Variants in MACROD2 observed in about 807,000 individuals in gnomAD.
The protein encoded by MACROD2 is ADP-ribose glycohydrolase MACROD2.
A neutral mutation model predicts 70.4 loss-of-function variants in MACROD2; 36 were observed. The ratio of observed to expected loss-of-function variants is 0.51; its 90% CI spans 0.39 to 0.68. The LOEUF (loss-of-function observed/expected upper bound fraction) is 0.68. Ranked by LOEUF, MACROD2 falls within the 30% of genes least tolerant of loss-of-function variation. The pLI is 0.00. For synonymous variants in MACROD2, 172 were observed against 178.8 expected (o/e 0.96, Z 0.30); for missense variants, 496 against 538.4 (o/e 0.92, Z 0.78).
chr20:15,794,349 C>G (rs1004223972), intron 8 of MACROD2, among the ~76,000 whole-genome samples: 1 of 152,016 alleles, frequency 6.6e-6, no homozygotes, highest in Non-Finnish European at 1.5e-5. Context: ...CCCTTAGGAG[C>G]ACTGAATAAC....
intron 5 of MACROD2, among the ~76,000 whole-genome samples, chr20:14,882,722 G>A (rs1482402885): frequency 2.6e-5 from 4 of 152,188 alleles, no homozygotes; most frequent in Non-Finnish European, 5.9e-5. Flanking sequence ...TCAGAGTACG[G>A]CATTGATTCT....
At chr20:14,958,461 C>T (rs1294419988) in intron 5 of MACROD2, among the ~76,000 whole-genome samples, 1 of 152,142 alleles carries the variant, frequency 6.6e-6, no homozygotes, top group Non-Finnish European at 1.5e-5. Context: ...AGATTCTACT[C>T]TAGTTTAAAT....
chr20:14,587,890 CAAAT>C (rs963432970), intron 4 of MACROD2, among the ~76,000 whole-genome samples: 1 of 151,952 alleles, frequency 6.6e-6, no homozygotes, highest in African/African-American at 2.4e-5. Flanking sequence ...TGAATGTTGA[CAAAT>C]GAATACAGTG....
At chr20:15,549,000 A>T (rs1054612588) in intron 8 of MACROD2, among the ~76,000 whole-genome samples, 3 of 152,202 alleles carry the variant, frequency 2.0e-5, no homozygotes, top group Non-Finnish European at 4.4e-5. Flanking sequence ...CTGACTTCTT[A>T]CTTCATCCTC....
intron 6 of MACROD2, among the ~76,000 whole-genome samples, chr20:15,411,256 G>T (rs910572785): frequency 6.6e-6 from 1 of 151,858 alleles, no homozygotes; most frequent in Non-Finnish European, 1.5e-5. Flanking sequence ...TACCTTTCCT[G>T]TCAAAATAAT....
chr20:14,439,719 TTGAA>T (rs1184760187), intron 3 of MACROD2, among the ~76,000 whole-genome samples: 1 of 152,180 alleles, frequency 6.6e-6, no homozygotes, highest in Non-Finnish European at 1.5e-5. Flanking sequence ...GTTGTGAGGA[TTGAA>T]TGAGTTAAAT....
At chr20:16,036,534 G>T (rs1270617978) in intron 15 of MACROD2, among the ~76,000 whole-genome samples, 1 of 151,964 alleles carries the variant, frequency 6.6e-6, no homozygotes, top group Non-Finnish European at 1.5e-5. Flanking sequence ...CCTGCTAGGA[G>T]CTCTGGAATG....
chr20:14,145,280 C>T (rs534423684), intron 3 of MACROD2, among the ~76,000 whole-genome samples: 50 of 152,102 alleles, frequency 3.3e-4, no homozygotes, highest in Admixed American at 8.5e-4. Flanking sequence ...TGTTCTAAAC[C>T]GCCCCACCTC....
At chr20:15,927,540 C>A (rs1290390618) in intron 10 of MACROD2, among the ~76,000 whole-genome samples, 2 of 152,000 alleles carry the variant, frequency 1.3e-5, no homozygotes, top group Non-Finnish European at 2.9e-5. Flanking sequence ...GAGATAAAGT[C>A]GAATACGACG....
chr20:14,632,697 A>G (rs929776561), intron 4 of MACROD2, among the ~76,000 whole-genome samples: 12 of 152,212 alleles, frequency 7.9e-5, no homozygotes, highest in African/African-American at 2.9e-4. Context: ...TGTTTATTTA[A>G]AAGTATAGTA....
At chr20:14,740,339 G>A (rs1205757289) in intron 5 of MACROD2, among the ~76,000 whole-genome samples, 3 of 152,040 alleles carry the variant, frequency 2.0e-5, no homozygotes, top group African/African-American at 7.2e-5. Flanking sequence ...ACGCTGGTCT[G>A]TCTGTCTCCA....
At chr20:14,511,517 A>G (rs2085029808) in intron 4 of MACROD2, among the ~76,000 whole-genome samples, 1 of 152,022 alleles carries the variant, frequency 6.6e-6, no homozygotes, top group South Asian at 2.1e-4. Flanking sequence ...TGGATATTTT[A>G]CTCCTGAAAA....
intron 6 of MACROD2, among the ~76,000 whole-genome samples, chr20:15,410,576 T>A (rs1233982027): frequency 2.0e-5 from 3 of 152,032 alleles, no homozygotes; most frequent in African/African-American, 2.4e-5. Flanking sequence ...TACATAGAGG[T>A]GAAAATATTC....
At chr20:14,308,720 A>G (rs755877774) in intron 3 of MACROD2, among the ~76,000 whole-genome samples, 1 of 152,152 alleles carries the variant, frequency 6.6e-6, no homozygotes, top group Non-Finnish European at 1.5e-5. Context: ...GTGTCTGTTC[A>G]CAAAATTGTC....
At chr20:15,088,400 TA>T (rs2075765379) in intron 5 of MACROD2, among the ~76,000 whole-genome samples, 146 of 7,394 alleles carry the variant, frequency 0.02, no homozygotes, top group African/African-American at 0.033. Context: ...CTATATTTTA[TA>T]TATATATATA....
intron 10 of MACROD2, among the ~76,000 whole-genome samples, chr20:15,894,555 C>T (rs1157988139): frequency 6.6e-6 from 1 of 152,204 alleles, no homozygotes; most frequent in African/African-American, 2.4e-5. Context: ...CTGTTTCCTT[C>T]TCCCAGGCTT....
intron 5 of MACROD2, among the ~76,000 whole-genome samples, chr20:14,982,994 C>T (rs1274962131): frequency 6.6e-6 from 1 of 152,188 alleles, no homozygotes; most frequent in Non-Finnish European, 1.5e-5. Context: ...AGGCTGTACC[C>T]TGCAAAGCCA....
intron 3 of MACROD2, among the ~76,000 whole-genome samples, chr20:14,385,204 T>C (rs1323331299): frequency 3.3e-5 from 5 of 152,156 alleles, no homozygotes; most frequent in Admixed American, 6.5e-5. Flanking sequence ...TTTTTTTCCC[T>C]TATGGAAACA....
At chr20:14,979,072 C>T (rs2122831036) in intron 5 of MACROD2, among the ~76,000 whole-genome samples, 1 of 150,716 alleles carries the variant, frequency 6.6e-6, no homozygotes, top group South Asian at 2.1e-4. Flanking sequence ...CGGCATCAGC[C>T]TCCTGAGTAG....
Sources: allele counts gnomAD v4.1 joint callset (sites outside exome capture counted in the v4.1 genomes callset), GRCh38; gene constraint gnomAD v4.1.1; transcripts MANE v1.5; gene names NCBI Gene and HGNC (gene_info 2026-07-23, HGNC 2026-07-21).